USP48: variants seen among roughly 807,000 people sequenced by gnomAD.
USP48 encodes the protein ubiquitin carboxyl-terminal hydrolase 48.
USP48 carries 43 observed loss-of-function variants against 150.7 expected under a neutral mutation model. That is an observed-to-expected ratio of 0.29 (90% confidence interval 0.22 to 0.37). The LOEUF is 0.37. Ranked by LOEUF, USP48 falls within the 10% of genes least tolerant of loss-of-function variation. USP48 has a pLI of 1.00. For synonymous variants in USP48, 396 were observed against 425.9 expected, an observed-to-expected ratio of 0.93 and a Z score of 0.86; for missense variants, 813 against 1,249.6, an observed-to-expected ratio of 0.65 and a Z score of 5.27.
At chr1:21,782,721 C>A in intron 1 of USP48, 103 bp downstream of exon 1, 5 of 1,403,558 alleles carry the variant, frequency 3.6e-6, no homozygotes, top group Non-Finnish European at 4.6e-6. Context: ...CTCCGCGCCT[C>A]CCAAATGCAC....
At chr1:21,692,551 C>T (rs1298227557) in intron 23 of USP48, among the ~76,000 whole-genome samples, 4 of 152,174 alleles carry the variant, frequency 2.6e-5, no homozygotes, top group Non-Finnish European at 5.9e-5. Context: ...AAGGGGCTGA[C>T]GTTCACACAT....
At chr1:21,773,592 C>T (rs1361016122) in intron 1 of USP48, among the ~76,000 whole-genome samples, 1 of 152,156 alleles carries the variant, frequency 6.6e-6, no homozygotes, top group African/African-American at 2.4e-5. Context: ...CAGATGGAAG[C>T]TGGGAATAGA....
chr1:21,696,406 C>G (rs1011174963), intron 22 of USP48, among the ~76,000 whole-genome samples: 10 of 152,340 alleles, frequency 6.6e-5, no homozygotes, highest in Admixed American at 5.2e-4. Context: ...CCACTGCACT[C>G]CAGCCTGGGC....
chr1:21,731,488 T>C (rs2097756733), intron 9 of USP48, among the ~76,000 whole-genome samples: 1 of 151,086 alleles, frequency 6.6e-6, no homozygotes, highest in African/African-American at 2.4e-5. Flanking sequence ...GGTCTCAAAC[T>C]CCTGACCTCA....
intron 1 of USP48, among the ~76,000 whole-genome samples, chr1:21,769,659 C>T (rs1329596828): frequency 2.0e-5 from 3 of 152,118 alleles, no homozygotes; most frequent in Admixed American, 1.3e-4. Flanking sequence ...TGTCCACCTA[C>T]CTCAGCCTCC....
At chr1:21,680,942 C>T (rs1220143647) in intron 25 of USP48, 108 bp from the exon 26 acceptor site, 9 of 771,086 alleles carry the variant, frequency 1.2e-5, no homozygotes, top group Admixed American at 9.5e-5. Context: ...TTTTGATTAC[C>T]TTTGTCACCT....
intron 19 of USP48, 109 bp from the exon 20 acceptor site, chr1:21,704,501 A>C: frequency 2.5e-6 from 3 of 1,213,802 alleles, no homozygotes; most frequent in Non-Finnish European, 3.3e-6. Context: ...ATTTAATCCA[A>C]AGGAATTAGA....
chr1:21,729,902 T>C (rs1470723830), intron 9 of USP48, 70 bp from the exon 10 acceptor site: 3 of 1,590,922 alleles, frequency 1.9e-6, no homozygotes, highest in Admixed American at 3.4e-5. Flanking sequence ...AGCGGGGCTA[T>C]AGAAAACAAT....
At chr1:21,762,435 T>C (rs535427430) in intron 1 of USP48, among the ~76,000 whole-genome samples, 2 of 152,112 alleles carry the variant, frequency 1.3e-5, no homozygotes, top group African/African-American at 2.4e-5. Context: ...GAAAAAATAG[T>C]GTCAGTAACC....
chr1:21,746,973 T>C, intron 8 of USP48, 94 bp downstream of exon 8: 2 of 956,190 alleles, frequency 2.1e-6, no homozygotes, highest in East Asian at 2.7e-5. Context: ...CAAACAAAAA[T>C]TGGCAATTGA....
chr1:21,782,758 C>G, intron 1 of USP48, 66 bp downstream of exon 1: 6 of 1,472,732 alleles, frequency 4.1e-6, no homozygotes, highest in South Asian at 1.3e-5. Flanking sequence ...TTCCTTTCCC[C>G]TACCCCGCCC....
At chr1:21,782,164 G>T (rs1328682685) in intron 1 of USP48, 2 of 152,184 alleles carry the variant, frequency 1.3e-5, no homozygotes, top group Non-Finnish European at 2.9e-5. Context: ...GGAATAAACG[G>T]GAGCAAAGCC....
At chr1:21,688,937 G>A (rs1288141458) in intron 24 of USP48, among the ~76,000 whole-genome samples, 1 of 151,190 alleles carries the variant, frequency 6.6e-6, no homozygotes, top group Non-Finnish European at 1.5e-5. Context: ...CCATTAAGTC[G>A]TGTATTTTGA....
intron 15 of USP48, among the ~76,000 whole-genome samples, chr1:21,714,367 C>T (rs549042699): frequency 4.0e-4 from 61 of 152,210 alleles, no homozygotes; most frequent in African/African-American, 1.4e-3. Context: ...CCTCAAACTC[C>T]TGGGTCAAGT....
intron 14 of USP48, among the ~76,000 whole-genome samples, chr1:21,716,518 T>A (rs1458614027): frequency 6.6e-6 from 1 of 152,204 alleles, no homozygotes; most frequent in East Asian, 1.9e-4. Flanking sequence ...CCATGTAATA[T>A]TTTCAGACTG....
chr1:21,740,060 C>T (rs370429838), intron 8 of USP48, among the ~76,000 whole-genome samples: 6 of 152,162 alleles, frequency 3.9e-5, no homozygotes, highest in East Asian at 1.9e-4. Flanking sequence ...TACTGGCATG[C>T]GCCACCATGC....
At chr1:21,703,361 C>T (rs1571771449) in intron 21 of USP48, 151 bp downstream of exon 21, 2 of 528,418 alleles carry the variant, frequency 3.8e-6, no homozygotes, top group East Asian at 2.9e-5. Flanking sequence ...TGTTCATTTT[C>T]AATTATTGTC....
At chr1:21,774,741 C>CA (rs2097892937) in intron 1 of USP48, among the ~76,000 whole-genome samples, 1 of 151,688 alleles carries the variant, frequency 6.6e-6, no homozygotes, top group Non-Finnish European at 1.5e-5. Flanking sequence ...CCTGTAATCT[C>CA]AACACTTCGG....
intron 19 of USP48, among the ~76,000 whole-genome samples, chr1:21,704,834 AC>A (rs1476825819): frequency 1.3e-5 from 2 of 152,146 alleles, no homozygotes; most frequent in East Asian, 3.9e-4. Context: ...AAGGATAAGC[AC>A]TGTGGGGCCT....
Sources: gnomAD v4.1 joint callset for allele counts (sites outside exome capture counted in the v4.1 genomes callset) on GRCh38, gnomAD v4.1.1 for gene constraint, MANE v1.5 for transcripts, NCBI Gene and HGNC (gene_info 2026-07-23, HGNC 2026-07-21) for gene names.